The following SND1 variants were observed in gnomAD, a reference collection of about 807,000 sequenced individuals.
SND1 encodes the protein staphylococcal nuclease and tudor domain containing 1.
Under a neutral mutation model 121.7 loss-of-function variants are expected in SND1, and 38 were observed. That is an observed-to-expected ratio of 0.31 (90% confidence interval 0.24 to 0.41). The LOEUF is 0.41. Among genes scored for constraint, SND1 ranks in the 10% least tolerant of loss-of-function variants. The probability of loss-of-function intolerance (pLI) is 1.00; values close to 1 mark genes in which losing one functional copy is unlikely to be tolerated. For synonymous variants in SND1, 401 were observed against 447.4 expected, an observed-to-expected ratio of 0.90 and a Z score of 1.31; for missense variants, 868 against 1,184.6, an observed-to-expected ratio of 0.73 and a Z score of 3.92.
At chr7:127,985,887 C>T (rs1044296194) in intron 15 of SND1, among the ~76,000 whole-genome samples, 2 of 152,180 alleles carry the variant, frequency 1.3e-5, no homozygotes, top group Admixed American at 6.5e-5. Flanking sequence ...GAGAACACAG[C>T]GGGCATGCAG....
At chr7:127,709,393 T>C (rs1023682438) in intron 9 of SND1, among the ~76,000 whole-genome samples, 5 of 152,212 alleles carry the variant, frequency 3.3e-5, no homozygotes, top group Non-Finnish European at 7.3e-5. Flanking sequence ...AGATGAGGCA[T>C]GTGAGGATCT....
rs576058991 is a variant in SND1 at position 127,787,486 on chromosome 7, C to T, written c.1153-19998C>T. 2.6e-5 allele frequency among the ~76,000 whole-genome samples: 4 copies of T among 152,318 alleles called. No individual in the cohort carries two copies. In the East Asian group the frequency reaches 7.7e-4, roughly 29 times the overall value. Reference sequence around the variant, plus strand: ...TCTTAGGCTCAAGGCAGTTGCCTTCCAATTTTTAAGGCTGTGTAGCTTTCC... The same window carrying T: ...TCTTAGGCTCAAGGCAGTTGCCTTCTAATTTTTAAGGCTGTGTAGCTTTCC... On this transcript the variant is annotated intron_variant, in intron 10 of 23. Transcript: ENST00000354725.
Position 128,081,501 on chromosome 7 carries a change from G to A in SND1, c.2110G>A (p.Gly704Ser), listed in dbSNP as rs148285818. The A allele has an allele frequency of 1.1e-5, 17 of 1,613,550 alleles. No individual in the cohort carries two copies. Among genetic ancestry groups the A allele is most frequent in the Admixed American group, 1.0e-4 (6 of 60,004 alleles). The change falls in exon 18 of 24, where the codon GGC becomes AGC. Residue 704 changes from glycine to serine, a missense_variant and splice_region_variant. Transcript: ENST00000354725. ...CTTCTACGTGCAGGATGTGGAGACCGGTGAGTGCTCAGGCCGCTGGCTCGT... is the reference window on the plus strand; with the variant it reads ...CTTCTACGTGCAGGATGTGGAGACCAGTGAGTGCTCAGGCCGCTGGCTCGT... ...LHFYVQDVET[G>S]TQLEKLMENM...
At chr7:127,887,475 G>C (rs1219938959) in intron 12 of SND1, among the ~76,000 whole-genome samples, 1 of 152,028 alleles carries the variant, frequency 6.6e-6, no homozygotes, top group Non-Finnish European at 1.5e-5. Context: ...GACATTTTCT[G>C]GTTGTTCTGT....
chr7:127,795,533 T>C (rs932576230), intron 10 of SND1, among the ~76,000 whole-genome samples: 4 of 152,348 alleles, frequency 2.6e-5, no homozygotes, highest in African/African-American at 9.6e-5. Flanking sequence ...GAACTCTGAA[T>C]GGTATTATAT....
chr7:127,788,209 C>G (rs141941005), intron 10 of SND1, among the ~76,000 whole-genome samples: 1 of 152,108 alleles, frequency 6.6e-6, no homozygotes, highest in African/African-American at 2.4e-5. Context: ...AAATGAAAGT[C>G]CAGAGAGATT....
At chr7:127,990,850 C>T (rs1250227790) in intron 15 of SND1, 97 bp from the exon 16 acceptor site, 11 of 736,392 alleles carry the variant, frequency 1.5e-5, no homozygotes, top group Admixed American at 5.1e-5. Context: ...TTAGATGTAA[C>T]GCCTGCTTCA....
chr7:127,899,949 G>T (rs1167039495), intron 13 of SND1, among the ~76,000 whole-genome samples: 1 of 152,190 alleles, frequency 6.6e-6, no homozygotes, highest in Non-Finnish European at 1.5e-5. Context: ...GGAAGTTACA[G>T]ATGAGGAGAC....
intron 11 of SND1, among the ~76,000 whole-genome samples, chr7:127,840,097 C>T (rs1798936804): frequency 6.6e-6 from 1 of 152,210 alleles, no homozygotes; most frequent in African/African-American, 2.4e-5. Flanking sequence ...AGGCCCATGC[C>T]AGCTCTTTGA....
chr7:128,055,643 C>T lies in SND1; in HGVS notation c.1780-18859C>T, dbSNP rs567920030. Among the ~76,000 whole-genome samples the T allele has an allele frequency of 2.0e-4, 30 of 152,300 alleles. No homozygotes were observed. The South Asian group carries it at 6.2e-3, about 32-fold the overall frequency. On this transcript the variant is annotated intron_variant, in intron 16 of 23. Coordinates refer to ENST00000354725, the MANE Select transcript of SND1 (RefSeq NM_014390.4). ...AATGCTGCTAACTGGAGTGCTCCGC[C>T]TGGGATCACTGGAGAAAGGAGCTCC...
chr7:128,035,551 C>G (rs1462925264), intron 16 of SND1, among the ~76,000 whole-genome samples: 4 of 152,218 alleles, frequency 2.6e-5, no homozygotes, highest in African/African-American at 9.7e-5. Flanking sequence ...CAGTGACTTA[C>G]CTAAAGCTAC....
At chr7:128,004,862 A>C (rs1459778615) in intron 16 of SND1, among the ~76,000 whole-genome samples, 1 of 152,192 alleles carries the variant, frequency 6.6e-6, no homozygotes, top group Non-Finnish European at 1.5e-5. Context: ...GACCTCTAAC[A>C]TTTGGACCCA....
chr7:127,904,400 TAC>T (rs1488173429), intron 13 of SND1: 1 of 168,368 alleles, frequency 5.9e-6, no homozygotes, highest in African/African-American at 2.4e-5. Context: ...GAAATGTTAT[TAC>T]TTCTGTTTCT....
intron 10 of SND1, among the ~76,000 whole-genome samples, chr7:127,771,867 A>T (rs898538154): frequency 1.3e-5 from 2 of 152,170 alleles, no homozygotes; most frequent in African/African-American, 4.8e-5. Context: ...TCTGCTTGGT[A>T]AATTGCCCAG....
chr7:127,747,645 G>A (rs1417271390), intron 10 of SND1, among the ~76,000 whole-genome samples: 2 of 152,172 alleles, frequency 1.3e-5, no homozygotes, highest in African/African-American at 4.8e-5. Flanking sequence ...TGACAAGACT[G>A]AACATCAGTG....
At chr7:127,861,262 T>C (rs1241683042) in intron 12 of SND1, among the ~76,000 whole-genome samples, 1 of 152,216 alleles carries the variant, frequency 6.6e-6, no homozygotes, top group Non-Finnish European at 1.5e-5. Context: ...AGGTTGCTTT[T>C]CAGGGAGAGA....
rs1283439305 is a variant in SND1 at position 128,086,000 on chromosome 7, C to A, written c.2304+220C>A. On this transcript the variant is annotated intron_variant, in intron 20 of 23. Transcript: ENST00000354725. The surrounding 1 kb of genome is among the most constrained non-coding windows in gnomAD (Gnocchi z 4.4). ...AGCACTGATAGGTCCCGCATCCAGACCCCACGGATGAGTGTCCAGCCACAC... is the reference window on the plus strand; with the variant it reads ...AGCACTGATAGGTCCCGCATCCAGAACCCACGGATGAGTGTCCAGCCACAC... Among the ~76,000 whole-genome samples, 1 of 152,216 alleles carries A rather than the reference C, an allele frequency of 6.6e-6. No homozygotes were observed. The highest frequency in any genetic ancestry group is 1.5e-5 in the Non-Finnish European group (1 of 68,042).
chr7:127,674,416 T>G (rs1390386598), intron 1 of SND1, among the ~76,000 whole-genome samples: 1 of 152,266 alleles, frequency 6.6e-6, no homozygotes. Context: ...TCTGTATCTG[T>G]AACTCTCCTC....
chr7:127,861,610 G>A (rs1799381790), intron 12 of SND1, among the ~76,000 whole-genome samples: 1 of 152,136 alleles, frequency 6.6e-6, no homozygotes, highest in Non-Finnish European at 1.5e-5. Context: ...AAGTAGCTGG[G>A]ATTACAGGTG....
Sources: allele counts gnomAD v4.1 joint callset (sites outside exome capture counted in the v4.1 genomes callset), GRCh38; gene constraint gnomAD v4.1.1; non-coding constraint Gnocchi (gnomAD v3.1); transcripts MANE v1.5; gene names NCBI Gene and HGNC (gene_info 2026-07-23, HGNC 2026-07-21).